The following RORC variants were observed in gnomAD, a reference collection of about 807,000 sequenced individuals.
The protein encoded by RORC is nuclear receptor ROR-gamma.
RORC carries 13 observed loss-of-function variants against 64.5 expected under a neutral mutation model. The ratio of observed to expected loss-of-function variants is 0.20; its 90% CI spans 0.13 to 0.32. RORC has a LOEUF of 0.32. RORC is among the 10% of genes least tolerant of loss of function. The pLI is 1.00. For missense variants in RORC, 468 were observed against 669.5 expected, an observed-to-expected ratio of 0.70 and a Z score of 3.32; for synonymous variants, 277 against 259.3, an observed-to-expected ratio of 1.07 and a Z score of -0.65.
At chr1:151,813,208 A>T in intron 8 of RORC, 31 bp downstream of exon 8, 2 of 1,593,534 alleles carry the variant, frequency 1.3e-6, no homozygotes, top group Non-Finnish European at 1.7e-6. Context: ...TGGCATCAGA[A>T]TCTTCCCTCT....
At position 151,815,414 on chromosome 1, in the gene RORC, C is replaced by T. The variant is rs1651720607; in HGVS notation, c.310G>A (p.Gly104Ser). Residue 104 changes from glycine to serine, a missense_variant, in exon 5 of 11, where the codon GGC (glycine) becomes AGC (serine). This residue lies in a region of RORC where 241 missense variants were observed against 295.5 expected (regional missense o/e 0.82). Coordinates refer to ENST00000318247, the MANE Select transcript of RORC (RefSeq NM_005060.4). Reference sequence around the variant, plus strand: ...TCCCTCTGCTTCTTGGACATGCGGCCGAACTTGACAGCTGAAAGAGGTCCA... The same window carrying T: ...TCCCTCTGCTTCTTGGACATGCGGCTGAACTTGACAGCTGAAAGAGGTCCA... ...LGMSRDAVKF[G>S]RMSKKQRDSL... is the part of the protein sequence containing the mutation. 1 of 1,528,482 alleles carries T rather than the reference C, an allele frequency of 6.5e-7. No individual in the cohort carries two copies. The highest frequency in any genetic ancestry group is 1.4e-5 in the African/African-American group (1 of 72,116). The allele number at this position is 1,528,482 out of a possible 1,614,324, so 94.7% of individuals were successfully genotyped here.
At chr1:151,825,551 G>A (rs181924772) in intron 2 of RORC, among the ~76,000 whole-genome samples, 3 of 152,308 alleles carry the variant, frequency 2.0e-5, no homozygotes, top group Admixed American at 1.3e-4. Context: ...CACTGTAACA[G>A]GAGAGTGCGT....
chr1:151,830,285 G>C lies in RORC; in HGVS notation c.41-827C>G, dbSNP rs559473488. Among the ~76,000 whole-genome samples the C allele has an allele frequency of 6.6e-6, 1 of 152,088 alleles. No homozygotes were observed. Among genetic ancestry groups the C allele is most frequent in the South Asian group, 2.1e-4 (1 of 4,804 alleles). ...GATTGGGCAGTAGGGAGCATGAGTG[G>C]GTCGATGGGGGTCACATGGATACTC... On this transcript the variant is annotated intron_variant, in intron 1 of 10. Coordinates refer to ENST00000318247, the MANE Select transcript of RORC (RefSeq NM_005060.4). The surrounding 1 kb of genome is among the most constrained non-coding windows in gnomAD (Gnocchi z 4.0).
intron 2 of RORC, among the ~76,000 whole-genome samples, chr1:151,820,521 C>T (rs1310375873): frequency 6.6e-6 from 1 of 152,168 alleles, no homozygotes; most frequent in Non-Finnish European, 1.5e-5. Flanking sequence ...CCAGCCCCTG[C>T]ACCACTGCTC....
intron 6 of RORC, chr1:151,814,255 A>G (rs2101657414): frequency 3.7e-6 from 1 of 269,564 alleles, no homozygotes; most frequent in East Asian, 7.6e-5. Flanking sequence ...AATGGTAATC[A>G]GGGTTCTGAT....
In RORC at chr1:151,807,789, C is replaced by T. The variant is rs1488957860; in HGVS notation, c.1396-156G>A. ...CAGCCAAATCCCACTGGTAGAAGTA[C>T]GTGTGTGTTCAGGACACTGGAGGGA... On this transcript the variant is annotated intron_variant, in intron 10 of 10. Transcript: ENST00000318247. The surrounding 1 kb of genome is among the most constrained non-coding windows in gnomAD (Gnocchi z 5.0). 9.9e-5 allele frequency among the ~76,000 whole-genome samples: 15 copies of T among 152,206 alleles called. No individual in the cohort carries two copies. Among genetic ancestry groups the T allele is most frequent in the Admixed American group, 2.6e-4 (4 of 15,282 alleles).
At chr1:151,810,947 T>G (rs1651500695) in intron 10 of RORC, among the ~76,000 whole-genome samples, 1 of 152,276 alleles carries the variant, frequency 6.6e-6, no homozygotes, top group Non-Finnish European at 1.5e-5. Flanking sequence ...CATACCACAT[T>G]CTACTCTATG....
Position 151,830,858 on chromosome 1 carries a change from G to T in RORC, c.40+867C>A. On this transcript the variant is annotated intron_variant, in intron 1 of 10. Transcript: ENST00000318247. This position sits in a 1 kb window ranked among gnomAD's most constrained non-coding sequence, Gnocchi z 4.0. ...CCCCACCCAGCTTCCTCCCTGACGT[G>T]GCACCGGCTCCTGGCCTCTAGCCTT... 9.7e-7 allele frequency: 1 copy of T among 1,031,434 alleles called. No homozygotes were observed. The highest frequency in any genetic ancestry group is 1.3e-6 in the Non-Finnish European group (1 of 787,830). The allele number at this position is 1,031,434 out of a possible 1,614,324, so 63.9% of individuals were successfully genotyped here.
At chr1:151,822,548 T>A (rs1243511230) in intron 2 of RORC, among the ~76,000 whole-genome samples, 1 of 152,072 alleles carries the variant, frequency 6.6e-6, no homozygotes, top group Non-Finnish European at 1.5e-5. Context: ...ACCCCCACAG[T>A]CTGGGACTGG....
intron 2 of RORC, among the ~76,000 whole-genome samples, chr1:151,818,094 C>T (rs1017275651): frequency 2.0e-5 from 3 of 152,146 alleles, no homozygotes; most frequent in African/African-American, 4.8e-5. Flanking sequence ...CTTCATTTAC[C>T]GATGAAGGAC....
At chr1:151,814,367 T>C (rs1003978155) in intron 6 of RORC, 1 of 537,984 alleles carries the variant, frequency 1.9e-6, no homozygotes. Flanking sequence ...AGGCAAGAAC[T>C]AAGGAAAAGC....
intron 2 of RORC, among the ~76,000 whole-genome samples, chr1:151,828,872 G>T (rs376907367): frequency 2.6e-5 from 4 of 152,008 alleles, no homozygotes; most frequent in African/African-American, 9.7e-5. Context: ...CCAGCTACTC[G>T]AGAGGCTGAG....
chr1:151,812,812 A>G lies in RORC; in HGVS notation c.1285+135T>C, dbSNP rs2280472. 1.3e-3 allele frequency: 812 copies of G among 606,590 alleles called. 15 individuals carry two copies. In the East Asian group the frequency reaches 0.02, roughly 15 times the overall value. 37.6% of individuals were successfully genotyped at this position (606,590 alleles called of 1,614,324 possible). On this transcript the variant is annotated intron_variant, in intron 9 of 10. Coordinates refer to ENST00000318247, the MANE Select transcript of RORC (RefSeq NM_005060.4). ...TTTTAACTCATTTTATTTTATAGCA[A>G]TACTGAGTAGGGCTCATTCTGCTAT...
chr1:151,812,904 C>G (rs1281220578), intron 9 of RORC, 43 bp downstream of exon 9: 3 of 1,287,910 alleles, frequency 2.3e-6, no homozygotes, highest in African/African-American at 1.5e-5. Flanking sequence ...CTGCCATGCC[C>G]CTGCCACCTG....
At chr1:151,809,366 C>T (rs1399934932) in intron 10 of RORC, among the ~76,000 whole-genome samples, 2 of 152,134 alleles carry the variant, frequency 1.3e-5, no homozygotes, top group African/African-American at 2.4e-5. Context: ...TGCACTCCAG[C>T]CTGGGCGACA....
At chr1:151,818,777 C>T (rs959163556) in intron 2 of RORC, among the ~76,000 whole-genome samples, 8 of 152,284 alleles carry the variant, frequency 5.3e-5, no homozygotes, top group Non-Finnish European at 1.2e-4. Context: ...CTCTGGAGGG[C>T]GAATGCACAT....
At position 151,826,316 on chromosome 1, in the gene RORC, G is replaced by A. The variant is rs114439764; in HGVS notation, c.70+3113C>T. 2.1e-3 allele frequency among the ~76,000 whole-genome samples: 324 copies of A among 152,322 alleles called. 2 individuals are homozygous for A. The highest frequency in any genetic ancestry group is 0.02 in the Middle Eastern group (6 of 294). On this transcript the variant is annotated intron_variant, in intron 2 of 10. Transcript: ENST00000318247. ...AAAGCTGTTTCCACCCGCCAGGGTA[G>A]TTCTGGCTGGGGAGCCAGAATGGAG...
chr1:151,829,040 C>G (rs1652303205), intron 2 of RORC, among the ~76,000 whole-genome samples: 1 of 151,704 alleles, frequency 6.6e-6, no homozygotes, highest in South Asian at 2.1e-4. Flanking sequence ...GCGCTGAGTT[C>G]CTGAGTTCCT....
chr1:151,813,638 G>A lies in RORC; in HGVS notation c.934-18C>T, dbSNP rs766469632. 1 of 1,613,782 alleles carries A rather than the reference G, an allele frequency of 6.2e-7. No homozygotes were observed. The highest frequency in any genetic ancestry group is 2.2e-5 in the East Asian group (1 of 44,880). On this transcript the variant is annotated intron_variant, in intron 6 of 10. Coordinates refer to ENST00000318247, the MANE Select transcript of RORC (RefSeq NM_005060.4). ...CACATGGACTGCAGGGAGGGAGGAG[G>A]GTCCCGCTGTAGCGCTCTGTGTGGC...
Sources: allele counts gnomAD v4.1 joint callset (sites outside exome capture counted in the v4.1 genomes callset), GRCh38; gene constraint gnomAD v4.1.1; regional missense constraint gnomAD v4.1.1; non-coding constraint Gnocchi (gnomAD v3.1); transcripts MANE v1.5; gene names NCBI Gene and HGNC (gene_info 2026-07-23, HGNC 2026-07-21).